The following LPP variants were observed in gnomAD, a reference collection of about 807,000 sequenced individuals.
The protein encoded by LPP is LIM domain containing preferred translocation partner in lipoma.
In LPP, 38 loss-of-function variants were observed where a neutral mutation model predicts 60.4. That is an observed-to-expected ratio of 0.63 (90% CI 0.49 to 0.83). The LOEUF (loss-of-function observed/expected upper bound fraction) is 0.83, where lower values mean the gene tolerates loss of function less well. Among genes scored for constraint, LPP ranks in the 40% least tolerant of loss-of-function variants. LPP has a pLI of 0.00. For synonymous variants in LPP, 328 were observed against 290.8 expected, an observed-to-expected ratio of 1.13 and a Z score of -1.30; for missense variants, 902 against 783.6, an observed-to-expected ratio of 1.15 and a Z score of -1.80.
At chr3:188,754,174 G>A (rs940137919) in intron 8 of LPP, among the ~76,000 whole-genome samples, 15 of 152,018 alleles carry the variant, frequency 9.9e-5, no homozygotes, top group Admixed American at 5.9e-4. Flanking sequence ...TAAATTCATC[G>A]GCAACCCAAA....
chr3:188,514,579 T>A (rs1430375868), intron 5 of LPP, among the ~76,000 whole-genome samples: 2 of 152,072 alleles, frequency 1.3e-5, no homozygotes, highest in Non-Finnish European at 2.9e-5. Context: ...GTAGCTGGGA[T>A]TACGGTTACC....
chr3:188,717,407 T>G (rs1431155133), intron 8 of LPP, among the ~76,000 whole-genome samples: 1 of 152,240 alleles, frequency 6.6e-6, no homozygotes, highest in African/African-American at 2.4e-5. Flanking sequence ...GTTTCCAAAG[T>G]GCTTCTATCA....
intron 9 of LPP, among the ~76,000 whole-genome samples, chr3:188,763,559 T>C (rs1185806921): frequency 6.6e-6 from 1 of 152,190 alleles, no homozygotes; most frequent in African/African-American, 2.4e-5. Flanking sequence ...ATTAAACAGT[T>C]TGATTCAGTA....
intron 2 of LPP, among the ~76,000 whole-genome samples, chr3:188,277,028 T>C (rs892766140): frequency 6.7e-6 from 1 of 149,980 alleles, no homozygotes; most frequent in Non-Finnish European, 1.5e-5. Context: ...CTCAGGCTCC[T>C]GAGTGGCTGG....
chr3:188,265,039 C>T (rs1390109305), intron 2 of LPP, among the ~76,000 whole-genome samples: 1 of 152,148 alleles, frequency 6.6e-6, no homozygotes. Context: ...CCCCAAACTT[C>T]CACCCACTTT....
chr3:188,359,612 T>G (rs1192716554), intron 3 of LPP, among the ~76,000 whole-genome samples: 2 of 152,196 alleles, frequency 1.3e-5, no homozygotes, highest in African/African-American at 2.4e-5. Flanking sequence ...TTCCCTTCCT[T>G]AATCCCCTCA....
intron 3 of LPP, among the ~76,000 whole-genome samples, chr3:188,389,568 G>C (rs574046686): frequency 6.6e-6 from 1 of 152,246 alleles, no homozygotes; most frequent in African/African-American, 2.4e-5. Flanking sequence ...CTGAGGTCAG[G>C]AGTTCGAGAC....
At chr3:188,315,029 AT>A in intron 2 of LPP, among the ~76,000 whole-genome samples, 1 of 151,852 alleles carries the variant, frequency 6.6e-6, no homozygotes, top group East Asian at 1.9e-4. Flanking sequence ...ACCTTCACTT[AT>A]TGCCTTTTTT....
At chr3:188,281,529 A>G (rs564589407) in intron 2 of LPP, among the ~76,000 whole-genome samples, 122 of 142,138 alleles carry the variant, frequency 8.6e-4, no homozygotes, top group Non-Finnish European at 1.6e-3. Context: ...GCTTGAACCC[A>G]GGAGGCGGAG....
intron 9 of LPP, among the ~76,000 whole-genome samples, chr3:188,792,356 T>A (rs1744033237): frequency 6.6e-6 from 1 of 152,204 alleles, no homozygotes; most frequent in Admixed American, 6.5e-5. Flanking sequence ...CATACTCACC[T>A]CCTTTGCCTG....
intron 9 of LPP, among the ~76,000 whole-genome samples, chr3:188,856,758 A>G (rs1763929289): frequency 6.6e-6 from 1 of 152,146 alleles, no homozygotes; most frequent in African/African-American, 2.4e-5. Context: ...AATAGCCTCT[A>G]TTTATAGGTT....
At chr3:188,431,870 A>T (rs766075951) in intron 4 of LPP, among the ~76,000 whole-genome samples, 12 of 152,212 alleles carry the variant, frequency 7.9e-5, no homozygotes, top group Admixed American at 1.3e-4. Context: ...AATATCGTGA[A>T]TTTAGTTAGG....
chr3:188,783,761 A>G (rs1224424623), intron 9 of LPP, among the ~76,000 whole-genome samples: 3 of 152,138 alleles, frequency 2.0e-5, no homozygotes, highest in East Asian at 1.9e-4. Context: ...TCTATCAAGT[A>G]TTCTGCCTGC....
At chr3:188,398,049 G>A (rs994957979) in intron 3 of LPP, among the ~76,000 whole-genome samples, 2 of 152,174 alleles carry the variant, frequency 1.3e-5, no homozygotes, top group South Asian at 4.1e-4. Context: ...CCAAGAACAA[G>A]GAGTGCACCA....
intron 3 of LPP, among the ~76,000 whole-genome samples, chr3:188,389,680 G>T (rs1779201909): frequency 6.7e-6 from 1 of 150,328 alleles, no homozygotes; most frequent in Non-Finnish European, 1.5e-5. Flanking sequence ...GGAGGCTGAG[G>T]CAGGAGAATC....
intron 1 of LPP, among the ~76,000 whole-genome samples, chr3:188,203,905 G>C (rs902150800): frequency 2.0e-5 from 3 of 151,988 alleles, no homozygotes; most frequent in Non-Finnish European, 4.4e-5. Context: ...AGGCACCATG[G>C]ACACATCTGA....
chr3:188,477,567 C>T (rs970526934), intron 4 of LPP, among the ~76,000 whole-genome samples: 5 of 152,136 alleles, frequency 3.3e-5, no homozygotes, highest in African/African-American at 1.2e-4. Flanking sequence ...TTGGCCTTTG[C>T]TGTAATGCAT....
At chr3:188,581,717 G>C (rs1433940118) in intron 6 of LPP, among the ~76,000 whole-genome samples, 1 of 151,952 alleles carries the variant, frequency 6.6e-6, no homozygotes, top group East Asian at 1.9e-4. Flanking sequence ...TCATTGCTTC[G>C]CTCTATTTTA....
chr3:188,334,525 G>C (rs1400155284), intron 2 of LPP, among the ~76,000 whole-genome samples: 1 of 147,158 alleles, frequency 6.8e-6, no homozygotes, highest in Non-Finnish European at 1.5e-5. Flanking sequence ...TGGCCTCCTG[G>C]GTTCAAGCGT....
Sources: allele counts gnomAD v4.1 joint callset (sites outside exome capture counted in the v4.1 genomes callset), GRCh38; gene constraint gnomAD v4.1.1; transcripts MANE v1.5; gene names NCBI Gene and HGNC (gene_info 2026-07-23, HGNC 2026-07-21).